Variants in SLC44A1 observed in about 807,000 individuals in gnomAD.
SLC44A1 encodes solute carrier family 44 member 1.
SLC44A1 carries 26 observed loss-of-function variants against 79.3 expected under a neutral mutation model. The ratio of observed to expected loss-of-function variants is 0.33; its 90% confidence interval spans 0.24 to 0.46. The LOEUF (loss-of-function observed/expected upper bound fraction) is 0.46. Among genes scored for constraint, SLC44A1 ranks in the 20% least tolerant of loss-of-function variants. SLC44A1 has a pLI of 1.00. For missense variants in SLC44A1, 688 were observed against 798.1 expected, an observed-to-expected ratio of 0.86 and a Z score of 1.66; for synonymous variants, 263 against 286.2, an observed-to-expected ratio of 0.92 and a Z score of 0.82.
chr9:105,258,049 G>C (rs892984495), intron 1 of SLC44A1, among the ~76,000 whole-genome samples: 50 of 152,208 alleles, frequency 3.3e-4, no homozygotes, highest in African/African-American at 1.2e-3. Flanking sequence ...ACAGGAAACA[G>C]AGAAGAGTTA....
chr9:105,396,001 A>AT lies in SLC44A1; in HGVS notation c.*6949dup. ...ATTTGAAACAGGGACTATTAAGTAGATTTTCCCCCATCCTCTAGGTTCCTG... is the reference window on the plus strand; with the variant it reads ...ATTTGAAACAGGGACTATTAAGTAGATTTTTCCCCCATCCTCTAGGTTCCTG... On this transcript the variant is annotated 3_prime_UTR_variant, in exon 16 of 16. Transcript: ENST00000374720. The AT allele has an allele frequency of 1.0e-6, 1 of 984,878 alleles. No individual in the cohort carries two copies. The highest frequency in any genetic ancestry group is 1.2e-6 in the Non-Finnish European group (1 of 829,820). 61.0% of individuals were successfully genotyped at this position (984,878 alleles called of 1,614,324 possible). A position where few individuals can be genotyped will look rare whatever the true frequency, so the allele number is the denominator to read the frequency against.
At position 105,396,439 on chromosome 9, in the gene SLC44A1, C is replaced by T; in HGVS notation, c.*7383C>T. 2 of 985,460 alleles carry T rather than the reference C, an allele frequency of 2.0e-6. No homozygotes were observed. The highest frequency in any genetic ancestry group is 2.4e-6 in the Non-Finnish European group (2 of 829,936). The allele number at this position is 985,460 out of a possible 1,614,324, so 61.0% of individuals were successfully genotyped here. On this transcript the variant is annotated 3_prime_UTR_variant, in exon 16 of 16. Coordinates refer to ENST00000374720, the MANE Select transcript of SLC44A1 (RefSeq NM_080546.5). ...TATCTTCTGAAGACCAAAGGTCCAACTTTACTTACTGGCTGGCACAGCCTT... is the reference window on the plus strand; with the variant it reads ...TATCTTCTGAAGACCAAAGGTCCAATTTTACTTACTGGCTGGCACAGCCTT...
downstream of SLC44A1, among the ~76,000 whole-genome samples, chr9:105,400,507 G>GAA (rs1222135547): frequency 8.6e-5 from 13 of 151,564 alleles, no homozygotes; most frequent in East Asian, 1.9e-4. Context: ...AAAAGAAAAA[G>GAA]AAAATTGTTT....
intron 1 of SLC44A1, among the ~76,000 whole-genome samples, chr9:105,280,577 A>ATT (rs1348851782): frequency 2.0e-5 from 3 of 152,374 alleles, no homozygotes; most frequent in African/African-American, 7.2e-5. Context: ...AATAAATTCC[A>ATT]TGAAACCATA....
chr9:105,374,314 A>G (rs1052625555), intron 12 of SLC44A1, among the ~76,000 whole-genome samples: 1 of 152,252 alleles, frequency 6.6e-6, no homozygotes, highest in African/African-American at 2.4e-5. Context: ...TGATTTACTA[A>G]AACAGGGAAG....
chr9:105,251,313 A>G (rs939808903), intron 1 of SLC44A1, among the ~76,000 whole-genome samples: 4 of 152,004 alleles, frequency 2.6e-5, no homozygotes, highest in African/African-American at 7.3e-5. Flanking sequence ...TCACTCTTCT[A>G]TATCTAGTCA....
At chr9:105,346,374 G>T (rs74399486) in intron 4 of SLC44A1, among the ~76,000 whole-genome samples, 2,794 of 152,178 alleles carry the variant, frequency 0.018, 86 homozygotes, top group African/African-American at 0.064. Context: ...AAGGGGTGGG[G>T]ATAGAGATTA....
intron 3 of SLC44A1, among the ~76,000 whole-genome samples, chr9:105,330,123 A>G (rs552393407): frequency 6.6e-6 from 1 of 152,276 alleles, no homozygotes; most frequent in African/African-American, 2.4e-5. Flanking sequence ...ATCCTATTTA[A>G]TTCCTGTCAC....
chr9:105,299,221 G>C lies in SLC44A1; in HGVS notation c.38G>C (p.Ser13Thr). 6.3e-7 allele frequency: 1 copy of C among 1,585,956 alleles called. No homozygotes were observed. The highest frequency in any genetic ancestry group is 1.2e-5 in the South Asian group (1 of 85,994). The change falls in exon 2 of 16, where the codon AGC becomes ACC. Residue 13 changes from serine (S) to threonine (T), a missense_variant and splice_region_variant. Transcript: ENST00000374720. ...CCSSASSAAQSSKREWKPLED... is the reference protein window; with the variant it reads ...CCSSASSAAQTSKREWKPLED... ...CTCTTATTTTGTATTTCCAATTAGAGCTCCAAACGAGAATGGAAGCCGCTG... is the reference window on the plus strand; with the variant it reads ...CTCTTATTTTGTATTTCCAATTAGACCTCCAAACGAGAATGGAAGCCGCTG...
rs149318807 is a variant in SLC44A1 at position 105,394,453 on chromosome 9, G to GTA, written c.*5398_*5399insAT. ...TGTGTGTGTGTGTGTTTGTGTGTGT[G>GTA]TGTGTGTGTCCTGGCGGTTATTTGG... On this transcript the variant is annotated 3_prime_UTR_variant, in exon 16 of 16. Transcript: ENST00000374720. The GTA allele has an allele frequency of 3.1e-6, 3 of 982,748 alleles. No homozygotes were observed. In the African/African-American group the frequency reaches 5.3e-5, roughly 17 times the overall value. The allele number at this position is 982,748 out of a possible 1,614,324, so 60.9% of individuals were successfully genotyped here. A position where few individuals can be genotyped will look rare whatever the true frequency, so the allele number is the denominator to read the frequency against.
chr9:105,276,234 A>T (rs1450668558), intron 1 of SLC44A1, among the ~76,000 whole-genome samples: 1 of 152,194 alleles, frequency 6.6e-6, no homozygotes, highest in Non-Finnish European at 1.5e-5. Context: ...CAGCCTAGCC[A>T]TATGACTGCA....
At chr9:105,313,236 A>G (rs1831228386) in intron 3 of SLC44A1, among the ~76,000 whole-genome samples, 1 of 152,190 alleles carries the variant, frequency 6.6e-6, no homozygotes, top group South Asian at 2.1e-4. Flanking sequence ...GAACGTCCCT[A>G]TATTATACTT....
At chr9:105,424,960 A>AT (rs1041523447) in intron 15 of SLC44A1, among the ~76,000 whole-genome samples, 1 of 147,762 alleles carries the variant, frequency 6.8e-6, no homozygotes, top group African/African-American at 2.7e-5. Context: ...AAAAAAAAAA[A>AT]AAGAAAAGAA....
At chr9:105,268,614 C>T (rs538020162) in intron 1 of SLC44A1, among the ~76,000 whole-genome samples, 2 of 152,094 alleles carry the variant, frequency 1.3e-5, no homozygotes, top group Non-Finnish European at 2.9e-5. Flanking sequence ...AGCAATTCTG[C>T]CTCAGCCTCC....
At chr9:105,287,794 C>T (rs1421877641) in intron 1 of SLC44A1, among the ~76,000 whole-genome samples, 1 of 152,184 alleles carries the variant, frequency 6.6e-6, no homozygotes, top group African/African-American at 2.4e-5. Flanking sequence ...TTCCTGCATT[C>T]TTCAGGAGAA....
At chr9:105,362,739 G>T in intron 8 of SLC44A1, 82 bp from the exon 9 acceptor site, 3 of 1,025,544 alleles carry the variant, frequency 2.9e-6, no homozygotes, top group Non-Finnish European at 4.2e-6. Flanking sequence ...TGGGGCTGAA[G>T]GGTTATGTTA....
At chr9:105,364,778 C>A in intron 10 of SLC44A1, 58 bp downstream of exon 10, 3 of 1,417,850 alleles carry the variant, frequency 2.1e-6, no homozygotes, top group South Asian at 2.6e-5. Flanking sequence ...TGTCCGCAGG[C>A]TGGAGGGGAA....
chr9:105,317,241 C>T (rs548072864), intron 3 of SLC44A1, among the ~76,000 whole-genome samples: 1 of 152,206 alleles, frequency 6.6e-6, no homozygotes, highest in Admixed American at 6.5e-5. Flanking sequence ...TCTCTCTGAC[C>T]TCCCCTTAGG....
chr9:105,299,247 G>A lies in SLC44A1; in HGVS notation c.64G>A (p.Glu22Lys). The A allele has an allele frequency of 6.3e-7, 1 of 1,591,904 alleles. No homozygotes were observed. Among genetic ancestry groups the A allele is most frequent in the Non-Finnish European group, 8.5e-7 (1 of 1,172,456 alleles). Residue 22 changes from glutamate to lysine, a missense_variant, in exon 2 of 16, where the codon GAG (glutamate) becomes AAG (lysine). Glu to Lys is a moderately conservative substitution (Grantham distance 56). Coordinates refer to ENST00000374720, the MANE Select transcript of SLC44A1 (RefSeq NM_080546.5). The part of the protein sequence containing the change: ...QSSKREWKPL[E>K]DRSCTDIPWL... ...CTCCAAACGAGAATGGAAGCCGCTG[G>A]AGGACCGTAGCTGCACAGACATACC...
Sources: gnomAD v4.1 joint callset for allele counts (sites outside exome capture counted in the v4.1 genomes callset) on GRCh38, gnomAD v4.1.1 for gene constraint, MANE v1.5 for transcripts, NCBI Gene and HGNC (gene_info 2026-07-23, HGNC 2026-07-21) for gene names.